BACE2: variants seen among roughly 807,000 people sequenced by gnomAD.
BACE2 encodes the protein 56 kDa aspartic-like protease.
In BACE2, 17 loss-of-function variants were observed where a neutral mutation model predicts 46.2. The observed-to-expected ratio is 0.37, with a 90% CI of 0.25 to 0.55. The LOEUF (loss-of-function observed/expected upper bound fraction) is 0.55, where lower values mean the gene tolerates loss of function less well. Among genes scored for constraint, BACE2 ranks in the 20% least tolerant of loss-of-function variants. The pLI, the probability that BACE2 is intolerant of heterozygous loss-of-function variation, is 0.82. For synonymous variants in BACE2, 277 were observed against 295.9 expected (o/e 0.94, Z 0.66); for missense variants, 595 against 698.1 (o/e 0.85, Z 1.66).
chr21:41,214,219 G>A (rs1395821860), intron 1 of BACE2, among the ~76,000 whole-genome samples: 2 of 152,290 alleles, frequency 1.3e-5, no homozygotes, highest in Non-Finnish European at 2.9e-5. Context: ...AATGGTGGAG[G>A]GAGATTGGAC....
At chr21:41,185,082 C>T (rs1985322845) in intron 1 of BACE2, 1 of 167,040 alleles carries the variant, frequency 6.0e-6, no homozygotes. Flanking sequence ...TGGGATACTC[C>T]TTGTTGTCCC....
At chr21:41,273,782 T>C (rs925666243) in intron 8 of BACE2, among the ~76,000 whole-genome samples, 1 of 152,236 alleles carries the variant, frequency 6.6e-6, no homozygotes, top group Non-Finnish European at 1.5e-5. Context: ...TAAATGTCCA[T>C]GAAATCTTCA....
chr21:41,224,475 C>T (rs1986751245), intron 1 of BACE2, among the ~76,000 whole-genome samples: 1 of 152,172 alleles, frequency 6.6e-6, no homozygotes, highest in Admixed American at 6.5e-5. Context: ...AGGCGTGAGC[C>T]ACTGTGCCCA....
At chr21:41,180,703 C>A (rs913260983) in intron 1 of BACE2, 1 of 167,100 alleles carries the variant, frequency 6.0e-6, no homozygotes, top group African/African-American at 2.4e-5. Context: ...GATGGTTGAC[C>A]AGATATAGTT....
chr21:41,246,770 G>C (rs547737387), intron 6 of BACE2, among the ~76,000 whole-genome samples: 16 of 152,258 alleles, frequency 1.1e-4, no homozygotes, highest in Non-Finnish European at 2.4e-4. Context: ...GGACAGCTTT[G>C]GGGATGAAAT....
rs554901066 is a variant in BACE2 at position 41,206,224 on chromosome 21, C to A, written c.313-20042C>A. Among the ~76,000 whole-genome samples the A allele has an allele frequency of 3.6e-3, 546 of 152,326 alleles. 2 individuals carry two copies. The highest frequency in any genetic ancestry group is 5.9e-3 in the Admixed American group (90 of 15,302). On this transcript the variant is annotated intron_variant, in intron 1 of 8. Transcript: ENST00000330333. ...GGTCCAACGAGGGCCACCTTCTGGG[C>A]TGCAGACTGCCTGCTCTTCATTGCA... is the stretch of plus-strand genomic sequence containing the variant.
intron 1 of BACE2, among the ~76,000 whole-genome samples, chr21:41,196,628 G>A (rs1171657857): frequency 1.3e-5 from 2 of 152,228 alleles, no homozygotes; most frequent in Non-Finnish European, 2.9e-5. Flanking sequence ...GGCACATGGA[G>A]GTGTCTTTCC....
At chr21:41,252,027 C>G (rs1458716545) in intron 7 of BACE2, among the ~76,000 whole-genome samples, 1 of 152,140 alleles carries the variant, frequency 6.6e-6, no homozygotes, top group Non-Finnish European at 1.5e-5. Context: ...CTCACCAGCA[C>G]TTCTGTAACC....
At chr21:41,173,478 A>T (rs930850826) in intron 1 of BACE2, among the ~76,000 whole-genome samples, 6 of 152,186 alleles carry the variant, frequency 3.9e-5, no homozygotes, top group African/African-American at 1.4e-4. Context: ...GCGGTGGCTC[A>T]TGCCTGTAAT....
At position 41,275,385 on chromosome 21, in the gene BACE2, G is replaced by A. The variant is rs777444063; in HGVS notation, c.1318G>A (p.Ala440Thr). The A allele has an allele frequency of 6.2e-7, 1 of 1,614,178 alleles. No individual in the cohort carries two copies. Among genetic ancestry groups the A allele is most frequent in the Admixed American group, 1.7e-5 (1 of 60,030 alleles). Reference protein sequence around the residue: ...ASPCAEIAGAAVSEISGPFST... With the variant: ...ASPCAEIAGATVSEISGPFST... ...TGTCTCCCCAGAAATTGCAGGTGCTGCAGTGTCTGAAATTTCCGGGCCTTT... is the reference window on the plus strand; with the variant it reads ...TGTCTCCCCAGAAATTGCAGGTGCTACAGTGTCTGAAATTTCCGGGCCTTT... The change falls in exon 9 of 9, where the codon GCA (alanine) becomes ACA (threonine). Residue 440 changes from alanine to threonine, a missense_variant. Around this residue, in one of 3 missense-constraint regions of BACE2, gnomAD observed 343 missense variants for 419.4 expected, o/e 0.82. Coordinates refer to ENST00000330333, the MANE Select transcript of BACE2 (RefSeq NM_012105.5).
At chr21:41,240,490 C>T (rs1400258018) in intron 3 of BACE2, among the ~76,000 whole-genome samples, 2 of 152,218 alleles carry the variant, frequency 1.3e-5, no homozygotes, top group African/African-American at 4.8e-5. Flanking sequence ...CCCATTTAAG[C>T]CCCAGAGCGG....
Position 41,168,629 on chromosome 21 carries a change from G to A in BACE2, c.312+54G>A, listed in dbSNP as rs537313189. The A allele has an allele frequency of 1.6e-4, 202 of 1,247,868 alleles. No individual in the cohort carries two copies. In the African/African-American group the frequency reaches 2.4e-3, roughly 15 times the overall value. The allele number at this position is 1,247,868 out of a possible 1,614,324, so 77.3% of individuals were successfully genotyped here. On this transcript the variant is annotated intron_variant, in intron 1 of 8. Transcript: ENST00000330333. ...TTTTCGGGCTCGTTGGAGGGAGGGG[G>A]CTGTCCAGAGACGCCTCCACGCGGC...
At chr21:41,236,992 A>G (rs1987140611) in intron 2 of BACE2, among the ~76,000 whole-genome samples, 1 of 152,240 alleles carries the variant, frequency 6.6e-6, no homozygotes, top group Non-Finnish European at 1.5e-5. Flanking sequence ...CCAAAACATT[A>G]GCGATTATGT....
At position 41,275,597 on chromosome 21, in the gene BACE2, C is replaced by T. The variant is rs1229506389; in HGVS notation, c.1530C>T (p.Ser510=). The T allele has an allele frequency of 6.2e-7, 1 of 1,613,892 alleles. No individual in the cohort carries two copies. Among genetic ancestry groups the T allele is most frequent in the East Asian group, 2.2e-5 (1 of 44,876 alleles). ...PRDPEVVNDE[S]SLVRHRWK The stretch of plus-strand genomic sequence containing the variant: ...ACCCTGAGGTCGTCAATGATGAGTC[C>T]TCTCTGGTCAGACATCGCTGGAAAT... The change falls in exon 9 of 9, where the codon TCC becomes TCT. Residue 510 remains serine (S), a synonymous_variant. Transcript: ENST00000330333.
At chr21:41,272,583 A>G (rs1160000293) in intron 8 of BACE2, among the ~76,000 whole-genome samples, 1 of 151,822 alleles carries the variant, frequency 6.6e-6, no homozygotes, top group Non-Finnish European at 1.5e-5. Context: ...TCTTACAACC[A>G]TCCCGTATAT....
intron 1 of BACE2, among the ~76,000 whole-genome samples, chr21:41,198,062 G>T (rs949757674): frequency 3.9e-5 from 6 of 152,098 alleles, no homozygotes; most frequent in Non-Finnish European, 5.9e-5. Context: ...TGCAATCTCG[G>T]CTCACTGCAG....
intron 1 of BACE2, among the ~76,000 whole-genome samples, chr21:41,168,777 C>T (rs2123478244): frequency 6.6e-6 from 1 of 152,172 alleles, no homozygotes; most frequent in South Asian, 2.1e-4. Flanking sequence ...AGCCCCCGCC[C>T]GGGGCGCACT....
At position 41,232,691 on chromosome 21, in the gene BACE2, C is replaced by A. The variant is rs544421216; in HGVS notation, c.402-4822C>A. ...CTCACCATGTAATGTACTGTGTCCC[C>A]CTTCGCCCTCCACCTTGAGTGGAAG... On this transcript the variant is annotated intron_variant, in intron 2 of 8. Coordinates refer to ENST00000330333, the MANE Select transcript of BACE2 (RefSeq NM_012105.5). 5.9e-5 allele frequency among the ~76,000 whole-genome samples: 9 copies of A among 152,212 alleles called. No individual in the cohort carries two copies. The East Asian group carries it at 1.7e-3, about 29-fold the overall frequency.
At chr21:41,269,016 G>A (rs867434754) in intron 8 of BACE2, among the ~76,000 whole-genome samples, 10 of 151,816 alleles carry the variant, frequency 6.6e-5, no homozygotes, top group South Asian at 2.1e-4. Context: ...TTGCAATGGC[G>A]TGATCTCAGT....
Sources: gnomAD v4.1 joint callset for allele counts (sites outside exome capture counted in the v4.1 genomes callset) on GRCh38, gnomAD v4.1.1 for gene constraint, gnomAD v4.1.1 regional missense constraint, MANE v1.5 for transcripts, NCBI Gene and HGNC (gene_info 2026-07-23, HGNC 2026-07-21) for gene names.